UVSSA: variants seen among roughly 807,000 people sequenced by gnomAD.
UVSSA encodes the protein UV stimulated scaffold protein A.
Under a neutral mutation model 73.9 loss-of-function variants are expected in UVSSA, and 72 were observed. The observed-to-expected ratio is 0.97, with a 90% CI of 0.81 to 1.19. The LOEUF (loss-of-function observed/expected upper bound fraction) is 1.19, where lower values mean the gene tolerates loss of function less well. UVSSA is among the 50% of genes most tolerant of loss of function. UVSSA has a pLI of 0.00. For synonymous variants in UVSSA, 454 were observed against 391.3 expected, an observed-to-expected ratio of 1.16 and a Z score of -1.89; for missense variants, 1,150 against 965.0, an observed-to-expected ratio of 1.19 and a Z score of -2.54.
intron 9 of UVSSA, 80 bp from the exon 10 acceptor site, chr4:1,375,954 T>TGTGGGGGTGGGGAGGGAGAGGAGG: frequency 6.5e-7 from 1 of 1,537,760 alleles, no homozygotes. Flanking sequence ...CCAGCCTTGC[T>TGTGGGGGTGGGGAGGGAGAGGAGG]GTGGGGGTGG....
At chr4:1,389,370 T>C (rs999385632), downstream of UVSSA, 2 of 151,956 alleles carry the variant, frequency 1.3e-5, no homozygotes, top group Non-Finnish European at 2.9e-5. Context: ...TAATTTTCTG[T>C]CTTTGGTTTT....
chr4:1,394,249 C>T (rs376464406), exon 14 of UVSSA: 3 of 698,538 alleles, frequency 4.3e-6, no homozygotes, highest in Admixed American at 6.0e-5. Flanking sequence ...CTGTGGGCAT[C>T]TCGTTCCTCA....
At chr4:1,394,536 A>T in exon 14 of UVSSA, 3 of 1,122,688 alleles carry the variant, frequency 2.7e-6, no homozygotes, top group Non-Finnish European at 3.7e-6. Context: ...GCTTTGTGCC[A>T]ATGTGGAGTG....
chr4:1,384,127 C>G (rs1252341814), intron 13 of UVSSA, 187 bp downstream of exon 13: 1 of 713,482 alleles, frequency 1.4e-6, no homozygotes, highest in African/African-American at 1.8e-5. Context: ...GCAGGGGCAG[C>G]AGGCAGGTCT....
rs775424662 is a variant in UVSSA, at chr4:1,353,138, C to T, written c.659C>T (p.Ala220Val). 2 of 1,613,056 alleles carry T rather than the reference C, an allele frequency of 1.2e-6. No homozygotes were observed. The highest frequency in any genetic ancestry group is 1.7e-6 in the Non-Finnish European group (2 of 1,180,020). Residue 220 changes from alanine to valine, a missense_variant, in exon 5 of 14, where the codon GCT becomes GTT. Transcript: ENST00000389851. Reference protein sequence around the residue: ...PNPETESLGMASGMSDALRSS... With the variant: ...PNPETESLGMVSGMSDALRSS... ...CCGGAGACGGAATCCCTTGGCATGG[C>T]TTCTGGCATGTCCGATGCCCTTCGC... is the stretch of plus-strand genomic sequence containing the variant.
At chr4:1,381,943 G>A (rs1719554624) in intron 12 of UVSSA, among the ~76,000 whole-genome samples, 1 of 152,200 alleles carries the variant, frequency 6.6e-6, no homozygotes, top group Admixed American at 6.5e-5. Context: ...GATTACAGAT[G>A]TGAGTCCCCG....
chr4:1,394,171 C>A, exon 14 of UVSSA: 1 of 442,968 alleles, frequency 2.3e-6, no homozygotes, highest in Non-Finnish European at 4.1e-6. Flanking sequence ...GGCACACACA[C>A]AGCTCTGTGC....
At chr4:1,346,565 C>T (rs13141169), upstream of UVSSA, among the ~76,000 whole-genome samples, 43,803 of 152,022 alleles carry the variant, frequency 0.29, 7,474 homozygotes, top group Non-Finnish European at 0.39. Context: ...GCGTCTGGCG[C>T]CGAGGTGGGC....
rs1194822829 is a variant in UVSSA at position 1,376,021 on chromosome 4, T to G, written c.1434-13T>G. Reference sequence around the variant, plus strand: ...CAGCAGCACCGTCAGGCTGTCCCACTCTGCTCCTGTAGCCCCTCCAGAGCG... The same window carrying G: ...CAGCAGCACCGTCAGGCTGTCCCACGCTGCTCCTGTAGCCCCTCCAGAGCG... On this transcript the variant is annotated splice_polypyrimidine_tract_variant and intron_variant, in intron 9 of 13. Coordinates refer to ENST00000389851, the MANE Select transcript of UVSSA (RefSeq NM_020894.4). The G allele has an allele frequency of 6.3e-7, 1 of 1,584,928 alleles. No individual in the cohort carries two copies. The highest frequency in any genetic ancestry group is 8.6e-7 in the Non-Finnish European group (1 of 1,167,526).
intron 8 of UVSSA, among the ~76,000 whole-genome samples, chr4:1,367,063 C>T (rs994824284): frequency 2.6e-5 from 4 of 152,198 alleles, no homozygotes; most frequent in African/African-American, 9.6e-5. Flanking sequence ...CATCGCTCCT[C>T]ACCGCTGGTG....
At chr4:1,357,779 C>T (rs951919048) in intron 7 of UVSSA, among the ~76,000 whole-genome samples, 26 of 152,228 alleles carry the variant, frequency 1.7e-4, no homozygotes, top group Non-Finnish European at 3.8e-4. Context: ...GCTGCAGGCT[C>T]CTGCTGGCCG....
chr4:1,343,773 G>C (rs1713513730), upstream of UVSSA, among the ~76,000 whole-genome samples: 1 of 151,944 alleles, frequency 6.6e-6, no homozygotes, highest in Non-Finnish European at 1.5e-5. Context: ...GGTGACAAGA[G>C]TGAAACTCCG....
intron 8 of UVSSA, among the ~76,000 whole-genome samples, chr4:1,369,167 C>G (rs1396710766): frequency 6.6e-6 from 1 of 152,278 alleles, no homozygotes; most frequent in Non-Finnish European, 1.5e-5. Flanking sequence ...CCGATGTGCC[C>G]TGTGGGCCTG....
chr4:1,350,967 G>A (rs1465381318), intron 3 of UVSSA, among the ~76,000 whole-genome samples: 4 of 152,150 alleles, frequency 2.6e-5, no homozygotes, highest in Admixed American at 1.3e-4. Context: ...GTGCAGTGGC[G>A]CGATCTCGGC....
At chr4:1,372,790 T>A (rs1232506730) in intron 8 of UVSSA, among the ~76,000 whole-genome samples, 41 of 92,304 alleles carry the variant, frequency 4.4e-4, no homozygotes, top group Middle Eastern at 5.4e-3. Flanking sequence ...ACCTCCCGCG[T>A]CCCTGCACTC....
At chr4:1,367,649 T>C (rs892193481) in intron 8 of UVSSA, among the ~76,000 whole-genome samples, 1 of 152,090 alleles carries the variant, frequency 6.6e-6, no homozygotes, top group African/African-American at 2.4e-5. Context: ...CTCAGACACC[T>C]GGAGCCAGCC....
At chr4:1,368,665 G>C (rs1380300570) in intron 8 of UVSSA, among the ~76,000 whole-genome samples, 1 of 152,244 alleles carries the variant, frequency 6.6e-6, no homozygotes, top group African/African-American at 2.4e-5. Context: ...AGCCTCACAG[G>C]GTCACAGGTA....
rs927031394 is a variant in UVSSA, at chr4:1,367,485, G to A, written c.1288+1054G>A. ...TATGACCCATTAAGGGTGTCATGCC[G>A]AATTAGCACAGCCAGGCTTCTAACG... On this transcript the variant is annotated intron_variant, in intron 8 of 13. Coordinates refer to ENST00000389851, the MANE Select transcript of UVSSA (RefSeq NM_020894.4). 3.3e-5 allele frequency among the ~76,000 whole-genome samples: 5 copies of A among 152,186 alleles called. No individual in the cohort carries two copies. In the South Asian group the frequency reaches 8.3e-4, roughly 25 times the overall value.
At chr4:1,380,642 C>CT (rs1560483674) in intron 11 of UVSSA, 1 of 1,523,914 alleles carries the variant, frequency 6.6e-7, no homozygotes, top group Admixed American at 2.0e-5. Flanking sequence ...GAGGCCTAGA[C>CT]TTTCCACAGC....
Sources: gnomAD v4.1 joint callset for allele counts (sites outside exome capture counted in the v4.1 genomes callset) on GRCh38, gnomAD v4.1.1 for gene constraint, MANE v1.5 for transcripts, NCBI Gene and HGNC (gene_info 2026-07-23, HGNC 2026-07-21) for gene names.